CLMN: variants seen among roughly 807,000 people sequenced by gnomAD.
CLMN encodes the protein calmin (calponin-like, transmembrane).
CLMN carries 57 observed loss-of-function variants against 92.7 expected under a neutral mutation model. That is an observed-to-expected ratio of 0.61 (90% CI 0.50 to 0.77). The LOEUF (loss-of-function observed/expected upper bound fraction) is 0.77, where lower values mean the gene tolerates loss of function less well. CLMN is among the 30% of genes least tolerant of loss of function. CLMN has a pLI of 0.00. For missense variants in CLMN, 1,158 were observed against 1,237.5 expected, an observed-to-expected ratio of 0.94 and a Z score of 0.96; for synonymous variants, 466 against 470.6, an observed-to-expected ratio of 0.99 and a Z score of 0.13.
chr14:95,218,162 G>A (rs1897412534), intron 4 of CLMN, among the ~76,000 whole-genome samples: 1 of 152,202 alleles, frequency 6.6e-6, no homozygotes, highest in Admixed American at 6.5e-5. Context: ...CTCCCTCTGC[G>A]GCTGGGAGAA....
rs779606628 is a variant in CLMN at position 95,204,428 on chromosome 14, G to A, written c.921C>T (p.Ile307=). The A allele has an allele frequency of 1.1e-5, 18 of 1,597,432 alleles. No homozygotes were observed. The highest frequency in any genetic ancestry group is 7.0e-5 in the Admixed American group (4 of 57,452). ...CTTTGATGCGAACAAAAGTGGATTC[G>A]ATAGGAACTTCTTTATCTGAATCGA... ...DIFDSDKEVP[I]ESTFVRIKET... Residue 307 remains isoleucine (I), a synonymous_variant, in exon 9 of 13, where the codon ATC becomes ATT. Transcript: ENST00000298912.
At chr14:95,218,502 C>T (rs1013005591) in intron 4 of CLMN, among the ~76,000 whole-genome samples, 1 of 152,220 alleles carries the variant, frequency 6.6e-6, no homozygotes, top group Non-Finnish European at 1.5e-5. Context: ...CTGGCTGCTG[C>T]CTGGCATCCA....
chr14:95,285,962 T>C (rs1299996781), intron 1 of CLMN, among the ~76,000 whole-genome samples: 1 of 152,010 alleles, frequency 6.6e-6, no homozygotes, highest in Non-Finnish European at 1.5e-5. Context: ...TAGGACCACA[T>C]GGTAAAGTGC....
chr14:95,215,653 G>A lies in CLMN; in HGVS notation c.405C>T (p.Ile135=), dbSNP rs964759803. The A allele has an allele frequency of 5.6e-6, 9 of 1,613,550 alleles. No individual in the cohort carries two copies. Among genetic ancestry groups the A allele is most frequent in the Non-Finnish European group, 5.9e-6 (7 of 1,179,456 alleles). Residue 135 remains isoleucine (I), a synonymous_variant, in exon 5 of 13, where the codon ATC becomes ATT. Transcript: ENST00000298912. ...SLVLGLIWNI[I]LFFQIKELTG... ...GAAATGATCTTACCTGGAAGAAGAGGATTATGTTCCATATCAGCCCAAGAA... is the reference window on the plus strand; with the variant it reads ...GAAATGATCTTACCTGGAAGAAGAGAATTATGTTCCATATCAGCCCAAGAA...
intron 1 of CLMN, among the ~76,000 whole-genome samples, chr14:95,270,256 C>T (rs1487788279): frequency 6.6e-6 from 1 of 152,156 alleles, no homozygotes; most frequent in Non-Finnish European, 1.5e-5. Context: ...TAACTTATTT[C>T]CCAAGCCAAG....
At chr14:95,227,594 T>C (rs1420268667) in intron 2 of CLMN, among the ~76,000 whole-genome samples, 2 of 152,210 alleles carry the variant, frequency 1.3e-5, no homozygotes, top group African/African-American at 2.4e-5. Context: ...ATAATTTCCA[T>C]TGACAGTTCC....
Position 95,203,768 on chromosome 14 carries a change from G to T in CLMN, c.1581C>A (p.Pro527=). 1 of 1,614,118 alleles carries T rather than the reference G, an allele frequency of 6.2e-7. No homozygotes were observed. ...RHDEESHSLS[P]PGENTVMADS... is the part of the protein sequence containing the mutation. ...CGGCCATCACAGTATTTTCTCCTGG[G>T]GGTGAAAGAGAGTGACTTTCTTCAT... The change falls in exon 9 of 13, where the codon CCC becomes CCA. Residue 527 remains proline (P), a synonymous_variant. Transcript: ENST00000298912.
intron 10 of CLMN, among the ~76,000 whole-genome samples, chr14:95,195,410 T>G (rs533931902): frequency 1.8e-4 from 27 of 152,218 alleles, no homozygotes; most frequent in African/African-American, 5.3e-4. Flanking sequence ...TTGGCCCTCC[T>G]CCCCCTGCCT....
rs1252876628 is a variant in CLMN, at chr14:95,292,443, CCCACCCCCACCT to C, written c.82+27256_82+27267del. Among the ~76,000 whole-genome samples, 4 of 124,602 alleles carry C rather than the reference CCCACCCCCACCT, an allele frequency of 3.2e-5. No individual in the cohort carries two copies. The East Asian group carries it at 7.8e-4, about 24-fold the overall frequency. The allele number at this position is 124,602 out of a possible 152,430, so 81.7% of individuals were successfully genotyped here. On this transcript the variant is annotated intron_variant, in intron 1 of 12. Transcript: ENST00000298912. ...CCCCCAAGGGTCCCCCACCCCCACC[CCCACCCCCACCT>C]CCACCCCCTGCATCTTGGGTCACAG...
At chr14:95,198,982 G>A (rs1302712297) in intron 9 of CLMN, 2 of 152,166 alleles carry the variant, frequency 1.3e-5, no homozygotes, top group African/African-American at 4.8e-5. Context: ...TGGAGGACTG[G>A]GTTCCTCTCC....
chr14:95,251,073 G>A (rs1480954458), intron 1 of CLMN, among the ~76,000 whole-genome samples: 1 of 152,178 alleles, frequency 6.6e-6, no homozygotes, highest in Non-Finnish European at 1.5e-5. Flanking sequence ...GATTTCCTGA[G>A]TGCACTTTTT....
At position 95,221,759 on chromosome 14, in the gene CLMN, AT is replaced by A; in HGVS notation, c.255del (p.Lys85AsnfsTer10). On this transcript the variant is annotated frameshift_variant, in exon 4 of 13. Coordinates refer to ENST00000298912, the MANE Select transcript of CLMN (RefSeq NM_024734.4). LOFTEE classifies it high-confidence loss of function. ...AACCGAAAAATACGATGCGACGAGG[AT>A]TTGTATTCGTGCAGCTATAAAACAG... Reference protein sequence around the residue: ...LSGRNLLHEYKSSSHRIFRLN... With the variant: ...LSGRNLLHEYXSSSHRIFRLN... 1 of 1,614,198 alleles carries A rather than the reference AT, an allele frequency of 6.2e-7. No homozygotes were observed. Among genetic ancestry groups the A allele is most frequent in the Non-Finnish European group, 8.5e-7 (1 of 1,180,032 alleles).
In CLMN at chr14:95,223,801, T is replaced by A. The variant is rs371738924; in HGVS notation, c.199A>T (p.Ile67Phe). 4.3e-6 allele frequency: 7 copies of A among 1,613,820 alleles called. No individual in the cohort carries two copies. The highest frequency in any genetic ancestry group is 1.3e-5 in the African/African-American group (1 of 74,922). The change falls in exon 3 of 13, where the codon ATC becomes TTC. Residue 67 changes from isoleucine to phenylalanine, a missense_variant. Ile to Phe is a conservative substitution (Grantham distance 21). Transcript: ENST00000298912. ...AGGACTTCTAACAAAGCCATTAGGA[T>A]TTTGCCATCTTGTATATCGACGAAT... ...DLFVDIQDGK[I>F]LMALLEVLSG...
intron 1 of CLMN, among the ~76,000 whole-genome samples, chr14:95,274,114 C>T (rs1254604248): frequency 6.6e-6 from 1 of 152,178 alleles, no homozygotes; most frequent in Non-Finnish European, 1.5e-5. Flanking sequence ...CTATATTTCT[C>T]AGCTATTACC....
At chr14:95,284,971 T>C (rs1300592744) in intron 1 of CLMN, among the ~76,000 whole-genome samples, 1 of 152,132 alleles carries the variant, frequency 6.6e-6, no homozygotes, top group East Asian at 1.9e-4. Context: ...CCCAAATCTC[T>C]ACTTGAATTG....
chr14:95,261,768 G>A (rs775583108), intron 1 of CLMN, among the ~76,000 whole-genome samples: 2 of 152,184 alleles, frequency 1.3e-5, no homozygotes, highest in African/African-American at 2.4e-5. Context: ...CCTCTCATCT[G>A]CCCATTGGGC....
intron 1 of CLMN, among the ~76,000 whole-genome samples, chr14:95,250,332 T>C (rs973920321): frequency 1.3e-5 from 2 of 152,258 alleles, no homozygotes; most frequent in African/African-American, 4.8e-5. Context: ...ATATCCCAAT[T>C]GTTGGATATT....
chr14:95,225,108 A>T (rs1897670104), intron 2 of CLMN, among the ~76,000 whole-genome samples: 1 of 152,058 alleles, frequency 6.6e-6, no homozygotes, highest in Non-Finnish European at 1.5e-5. Flanking sequence ...TAGGTACAAA[A>T]GCAATACAAG....
At position 95,203,036 on chromosome 14, in the gene CLMN, C is replaced by T. The variant is rs1896930609; in HGVS notation, c.2313G>A (p.Glu771=). ...TGCTCTGAGAGCCATCGGCCTCCTC[C>T]TCCCTGGAGTCCAGGTCTGGCATAT... The part of the protein sequence containing the change: ...EGYMPDLDSR[E]EEADGSQSSS... Residue 771 remains glutamate (E), a synonymous_variant, in exon 9 of 13, where the codon GAG becomes GAA. Transcript: ENST00000298912. 6.2e-7 allele frequency: 1 copy of T among 1,614,100 alleles called. No homozygotes were observed. The highest frequency in any genetic ancestry group is 8.5e-7 in the Non-Finnish European group (1 of 1,180,016).
Sources: allele counts gnomAD v4.1 joint callset (sites outside exome capture counted in the v4.1 genomes callset), GRCh38; gene constraint gnomAD v4.1.1; transcripts MANE v1.5; gene names NCBI Gene and HGNC (gene_info 2026-07-23, HGNC 2026-07-21).